Variants in DOK6 observed in about 807,000 individuals in gnomAD.
DOK6 encodes the protein downstream of tyrosine kinase 6.
Under a neutral mutation model 44.0 loss-of-function variants are expected in DOK6, and 22 were observed. That is an observed-to-expected ratio of 0.50 (90% CI 0.36 to 0.71). The LOEUF (loss-of-function observed/expected upper bound fraction) is 0.71, where lower values mean the gene tolerates loss of function less well. DOK6 is among the 30% of genes least tolerant of loss of function. DOK6 has a pLI of 0.00. For missense variants in DOK6, 340 were observed against 416.4 expected (o/e 0.82, Z 1.60); for synonymous variants, 166 against 145.5 (o/e 1.14, Z -1.01).
chr18:69,547,013 G>A (rs1982424265), intron 1 of DOK6, among the ~76,000 whole-genome samples: 1 of 151,574 alleles, frequency 6.6e-6, no homozygotes, highest in Non-Finnish European at 1.5e-5. Context: ...ATGGTGGAAG[G>A]TGAAGTGGGA....
intron 3 of DOK6, among the ~76,000 whole-genome samples, chr18:69,658,113 G>T (rs1985416249): frequency 1.3e-5 from 2 of 151,764 alleles, no homozygotes. Flanking sequence ...ACGCCCAGCT[G>T]ATTTTTTAAT....
intron 7 of DOK6, among the ~76,000 whole-genome samples, chr18:69,759,329 G>A (rs1255946232): frequency 6.6e-6 from 1 of 152,086 alleles, no homozygotes; most frequent in Admixed American, 6.6e-5. Context: ...TAATTTGAAA[G>A]TATGCTTGTA....
At chr18:69,711,922 T>C (rs966258276) in intron 5 of DOK6, among the ~76,000 whole-genome samples, 1 of 152,164 alleles carries the variant, frequency 6.6e-6, no homozygotes, top group Non-Finnish European at 1.5e-5. Context: ...TTCCTTATAG[T>C]CACCCTAAAA....
intron 1 of DOK6, among the ~76,000 whole-genome samples, chr18:69,509,482 G>C (rs753985309): frequency 2.4e-4 from 37 of 151,660 alleles, no homozygotes; most frequent in South Asian, 4.2e-4. Context: ...CTAAAAAATA[G>C]AAAAAATTAG....
At chr18:69,631,073 A>T (rs1984679761) in intron 3 of DOK6, among the ~76,000 whole-genome samples, 1 of 152,140 alleles carries the variant, frequency 6.6e-6, no homozygotes, top group Middle Eastern at 3.2e-3. Flanking sequence ...ATTCCTATTC[A>T]TAGCTAAAGA....
At chr18:69,493,463 G>T (rs1980795694) in intron 1 of DOK6, among the ~76,000 whole-genome samples, 2 of 152,158 alleles carry the variant, frequency 1.3e-5, no homozygotes. Flanking sequence ...GCCTCAACCA[G>T]ATCTGCTAAA....
intron 1 of DOK6, among the ~76,000 whole-genome samples, chr18:69,425,420 G>A (rs945356326): frequency 3.3e-5 from 5 of 151,620 alleles, no homozygotes; most frequent in Non-Finnish European, 5.9e-5. Context: ...TATTTATGGC[G>A]CTCTGCTTGT....
In DOK6 at chr18:69,535,557, T is replaced by C. The variant is rs1982100073; in HGVS notation, c.67-28930T>C. Among the ~76,000 whole-genome samples the C allele has an allele frequency of 2.6e-5, 4 of 152,090 alleles. No individual in the cohort carries two copies. The South Asian group carries it at 8.3e-4, about 32-fold the overall frequency. ...GGTTAATGAACTTGCTATGAATTTT[T>C]ACTACTCAGTTGAATATATATATGT... On this transcript the variant is annotated intron_variant, in intron 1 of 7. Transcript: ENST00000382713.
chr18:69,458,241 A>G (rs1452260775), intron 1 of DOK6, among the ~76,000 whole-genome samples: 1 of 152,248 alleles, frequency 6.6e-6, no homozygotes, highest in African/African-American at 2.4e-5. Flanking sequence ...GGCTGGTTCA[A>G]CATATGCAAA....
intron 5 of DOK6, among the ~76,000 whole-genome samples, chr18:69,729,410 G>T (rs1056466804): frequency 2.2e-4 from 34 of 151,890 alleles, no homozygotes; most frequent in African/African-American, 7.5e-4. Flanking sequence ...TTTCCCAATT[G>T]TTCTTTCCTA....
intron 1 of DOK6, among the ~76,000 whole-genome samples, chr18:69,525,674 G>T (rs1237117577): frequency 2.0e-5 from 3 of 151,836 alleles, no homozygotes; most frequent in Non-Finnish European, 4.4e-5. Context: ...GCCAGAGAGT[G>T]AATATTTTGG....
At chr18:69,763,649 A>G (rs1447726610) in intron 7 of DOK6, among the ~76,000 whole-genome samples, 1 of 152,214 alleles carries the variant, frequency 6.6e-6, no homozygotes, top group African/African-American at 2.4e-5. Flanking sequence ...AAAGAAAAAG[A>G]AAACAAAAAA....
intron 1 of DOK6, among the ~76,000 whole-genome samples, chr18:69,431,033 T>C (rs1160606303): frequency 6.6e-6 from 1 of 152,162 alleles, no homozygotes; most frequent in South Asian, 2.1e-4. Context: ...AAGACCACCA[T>C]TGACAGCCTC....
chr18:69,412,391 A>C (rs1389387800), intron 1 of DOK6, among the ~76,000 whole-genome samples: 2 of 152,082 alleles, frequency 1.3e-5, no homozygotes, highest in Admixed American at 6.6e-5. Flanking sequence ...ACAGTGAAGA[A>C]AAATAATTAT....
At chr18:69,491,224 A>G (rs1980725866) in intron 1 of DOK6, among the ~76,000 whole-genome samples, 2 of 152,222 alleles carry the variant, frequency 1.3e-5, no homozygotes, top group South Asian at 4.1e-4. Flanking sequence ...TTAACCAACC[A>G]ATGTTATCAG....
chr18:69,735,999 A>G (rs772346144), intron 5 of DOK6, among the ~76,000 whole-genome samples: 1 of 152,236 alleles, frequency 6.6e-6, no homozygotes, highest in Non-Finnish European at 1.5e-5. Context: ...TGAGAAGTTA[A>G]TAGGTAAAAT....
intron 3 of DOK6, among the ~76,000 whole-genome samples, chr18:69,668,842 G>A (rs1985724645): frequency 6.6e-6 from 1 of 152,126 alleles, no homozygotes; most frequent in African/African-American, 2.4e-5. Flanking sequence ...TTAAAACACA[G>A]CATCTGACTA....
At chr18:69,635,642 G>A (rs574241234) in intron 3 of DOK6, among the ~76,000 whole-genome samples, 36 of 152,092 alleles carry the variant, frequency 2.4e-4, no homozygotes, top group Non-Finnish European at 4.7e-4. Context: ...ATAACTCTAG[G>A]CATGTGGTAG....
In DOK6 at chr18:69,735,002, A is replaced by G. The variant is rs1334568755; in HGVS notation, c.600-3963A>G. Among the ~76,000 whole-genome samples the G allele has an allele frequency of 3.3e-5, 5 of 152,216 alleles. No homozygotes were observed. The East Asian group carries it at 7.7e-4, about 23-fold the overall frequency. ...TCTCCAGAAAATTCCTCCACGCACC[A>G]TGTTAGGGCTGATTCTGCCCTTGAA... On this transcript the variant is annotated intron_variant, in intron 5 of 7. Transcript: ENST00000382713.
Sources: gnomAD v4.1 joint callset for allele counts (sites outside exome capture counted in the v4.1 genomes callset) on GRCh38, gnomAD v4.1.1 for gene constraint, MANE v1.5 for transcripts, NCBI Gene and HGNC (gene_info 2026-07-23, HGNC 2026-07-21) for gene names.